Variants in UBN2 observed in about 807,000 individuals in gnomAD.
UBN2 encodes ubinuclein 2.
In UBN2, 35 loss-of-function variants were observed where a neutral mutation model predicts 120.2. The ratio of observed to expected loss-of-function variants is 0.29; its 90% CI spans 0.22 to 0.39. The LOEUF is 0.39. UBN2 is among the 10% of genes least tolerant of loss of function. The pLI, the probability that UBN2 is intolerant of heterozygous loss-of-function variation, is 1.00. For synonymous variants in UBN2, 661 were observed against 648.7 expected (o/e 1.02, Z -0.29); for missense variants, 1,693 against 1,663.2 (o/e 1.02, Z -0.31).
At chr7:139,328,943 A>G in the UBN2 span, among the ~76,000 whole-genome samples, 1 of 152,086 alleles carries the variant, frequency 6.6e-6, no homozygotes. Context: ...TTTAGCAGCA[A>G]TTTAAAAATC....
chr7:139,237,145 GT>G, intron 2 of UBN2, 48 bp downstream of exon 2: 1 of 1,415,068 alleles, frequency 7.1e-7, no homozygotes, highest in Non-Finnish European at 9.8e-7. Context: ...CTATTGACCT[GT>G]TTGCTTTCTG....
rs1161484759 is a variant in UBN2 at position 139,289,414 on chromosome 7, C to CTTTTTTTTTTTTTTTT, written c.3670-3817_3670-3802dup. ...ATTGCCCTCCCTAATTTACATTTTG[C>CTTTTTTTTTTTTTTTT]TTTTTTTTTTTTTTTTGAGACAGGG... On this transcript the variant is annotated intron_variant, in intron 15 of 17. Transcript: ENST00000473989. Among the ~76,000 whole-genome samples, 106 of 125,772 alleles carry CTTTTTTTTTTTTTTTT rather than the reference C, an allele frequency of 8.4e-4. 8 individuals are homozygous for CTTTTTTTTTTTTTTTT. The highest frequency in any genetic ancestry group is 1.8e-3 in the Admixed American group (20 of 11,070). The allele number at this position is 125,772 out of a possible 152,430, so 82.5% of individuals were successfully genotyped here. A position where few individuals can be genotyped will look rare whatever the true frequency, so the allele number is the denominator to read the frequency against.
intron 8 of UBN2, among the ~76,000 whole-genome samples, chr7:139,269,807 CT>C (rs200284259): frequency 1.7e-4 from 25 of 146,514 alleles, no homozygotes; most frequent in South Asian, 4.3e-4. Context: ...AAGTACTCAC[CT>C]TTTTTTTTTT....
At chr7:139,239,138 T>G (rs1433545754) in intron 2 of UBN2, among the ~76,000 whole-genome samples, 2 of 152,192 alleles carry the variant, frequency 1.3e-5, no homozygotes, top group African/African-American at 4.8e-5. Flanking sequence ...TAGAGATACA[T>G]CTCTATACAT....
chr7:139,326,200 G>A, the UBN2 span, among the ~76,000 whole-genome samples: 1 of 152,190 alleles, frequency 6.6e-6, no homozygotes, highest in African/African-American at 2.4e-5. Flanking sequence ...AGGTTGCAGT[G>A]AGCCAAGATT....
chr7:139,250,380 A>G (rs573653179), intron 2 of UBN2, among the ~76,000 whole-genome samples: 3 of 152,124 alleles, frequency 2.0e-5, no homozygotes, highest in South Asian at 2.1e-4. Flanking sequence ...CTACAGACGC[A>G]TGCCACCACA....
chr7:139,232,069 G>A (rs1796035901), intron 1 of UBN2, 117 bp downstream of exon 1: 7 of 950,968 alleles, frequency 7.4e-6, no homozygotes, highest in Non-Finnish European at 1.0e-5. Flanking sequence ...CCCCGAGGGT[G>A]GGGTGCGGGG....
Position 139,283,952 on chromosome 7 carries a change from A to C in UBN2, c.3047A>C (p.Lys1016Thr). The C allele has an allele frequency of 2.5e-6, 4 of 1,613,960 alleles. No homozygotes were observed. Among genetic ancestry groups the C allele is most frequent in the Non-Finnish European group, 3.4e-6 (4 of 1,179,992 alleles). Reference protein sequence around the residue: ...STTTSSNYLAKAMVSQISTQG... With the variant: ...STTTSSNYLATAMVSQISTQG... ...ACTACCTCCAGTAACTATTTAGCCA[A>C]GGCTATGGTGTCACAGATCTCCACG... The change falls in exon 15 of 18, where the codon AAG (lysine) becomes ACG (threonine). Residue 1016 changes from lysine to threonine, a missense_variant. Physicochemically the swap from Lys to Thr is moderately conservative, Grantham distance 78. This residue lies in a region of UBN2 where 837 missense variants were observed against 817.6 expected (regional missense o/e 1.02). Coordinates refer to ENST00000473989, the MANE Select transcript of UBN2 (RefSeq NM_173569.4).
At chr7:139,314,668 TAG>T in the UBN2 span, among the ~76,000 whole-genome samples, 1 of 151,822 alleles carries the variant, frequency 6.6e-6, no homozygotes, top group Non-Finnish European at 1.5e-5. Context: ...GTATTTTTAG[TAG>T]AGACAGGGTC....
At chr7:139,251,860 T>C (rs986609566) in intron 2 of UBN2, 96 bp from the exon 3 acceptor site, 7 of 1,152,286 alleles carry the variant, frequency 6.1e-6, no homozygotes, top group South Asian at 1.3e-5. Context: ...AGGGGGACTA[T>C]CTGCAAAAAT....
intron 2 of UBN2, 88 bp downstream of exon 2, chr7:139,237,185 C>T (rs1796187338): frequency 9.0e-6 from 7 of 775,736 alleles, no homozygotes; most frequent in South Asian, 1.8e-5. Flanking sequence ...TATAAATATC[C>T]GTTGCCTGCC....
Position 139,231,815 on chromosome 7 carries a change from G to A in UBN2, c.331G>A (p.Glu111Lys), listed in dbSNP as rs1481527105. 6.9e-7 allele frequency: 1 copy of A among 1,458,800 alleles called. No individual in the cohort carries two copies. The highest frequency in any genetic ancestry group is 3.0e-5 in the East Asian group (1 of 33,630). 90.4% of individuals were successfully genotyped at this position (1,458,800 alleles called of 1,614,324 possible). The change falls in exon 1 of 18, where the codon GAG becomes AAG. Residue 111 changes from glutamate to lysine, a missense_variant. Glu to Lys is a moderately conservative substitution (Grantham distance 56). Transcript: ENST00000473989. ...GCCCTTGCAGCCGCCCCCGCCGCGG[G>A]AGTCGGCTTCCCGGGCTGAGCAGCC... Reference protein sequence around the residue: ...PLPLQPPPPRESASRAEQPPR... With the variant: ...PLPLQPPPPRKSASRAEQPPR...
At position 139,283,241 on chromosome 7, in the gene UBN2, A is replaced by G. The variant is rs374057444; in HGVS notation, c.2336A>G (p.Asn779Ser). Residue 779 changes from asparagine to serine, a missense_variant, in exon 15 of 18, where the codon AAT becomes AGT. Physicochemically the swap from Asn to Ser is conservative, Grantham distance 46. Transcript: ENST00000473989. The stretch of plus-strand genomic sequence containing the variant: ...TCTGAAGCTTTAGCGGTTATCAACA[A>G]TGGGAACAAGGGCCCTCCAGTTGGC... ...LVSEALAVIN[N>S]GNKGPPVGSR... 1.5e-5 allele frequency: 25 copies of G among 1,613,400 alleles called. No homozygotes were observed. The highest frequency in any genetic ancestry group is 6.7e-5 in the East Asian group (3 of 44,872).
the UBN2 span, among the ~76,000 whole-genome samples, chr7:139,326,983 AC>A: frequency 6.6e-6 from 1 of 152,062 alleles, no homozygotes; most frequent in African/African-American, 2.4e-5. Flanking sequence ...TGTGAGAGGC[AC>A]CCCGCATCCT....
chr7:139,258,933 C>A (rs1174408976), intron 4 of UBN2, among the ~76,000 whole-genome samples: 1 of 152,088 alleles, frequency 6.6e-6, no homozygotes, highest in African/African-American at 2.4e-5. Flanking sequence ...CCTAAGATGT[C>A]ATTTTTAACA....
At chr7:139,316,745 C>CA in the UBN2 span, among the ~76,000 whole-genome samples, 1 of 151,164 alleles carries the variant, frequency 6.6e-6, no homozygotes, top group South Asian at 2.1e-4. Context: ...AACTCTGTCT[C>CA]AAAAAATAAA....
At chr7:139,326,494 T>C in the UBN2 span, among the ~76,000 whole-genome samples, 2 of 152,230 alleles carry the variant, frequency 1.3e-5, no homozygotes, top group Non-Finnish European at 2.9e-5. Context: ...TTTGTTTTGC[T>C]TGTTATTTAT....
At chr7:139,314,244 C>T in the UBN2 span, among the ~76,000 whole-genome samples, 1 of 150,906 alleles carries the variant, frequency 6.6e-6, no homozygotes, top group African/African-American at 2.4e-5. Context: ...ATCACAAGGT[C>T]AGGAGTTCAA....
At chr7:139,268,042 G>A (rs1406929227) in intron 7 of UBN2, among the ~76,000 whole-genome samples, 7 of 152,216 alleles carry the variant, frequency 4.6e-5, no homozygotes, top group Non-Finnish European at 8.8e-5. Context: ...TCTTGTGACT[G>A]AGGCTGTTCT....
Sources: gnomAD v4.1 joint callset for allele counts (sites outside exome capture counted in the v4.1 genomes callset) on GRCh38, gnomAD v4.1.1 for gene constraint, gnomAD v4.1.1 regional missense constraint, MANE v1.5 for transcripts, NCBI Gene and HGNC (gene_info 2026-07-23, HGNC 2026-07-21) for gene names.